Variants in ADAMTS5 observed in about 807,000 individuals in gnomAD.
The protein encoded by ADAMTS5 is ADAM metallopeptidase with thrombospondin type 1 motif 5.
ADAMTS5 carries 54 observed loss-of-function variants against 81.4 expected under a neutral mutation model. That is an observed-to-expected ratio of 0.66 (90% CI 0.53 to 0.83). The LOEUF is 0.83. Among genes scored for constraint, ADAMTS5 ranks in the 40% least tolerant of loss-of-function variants. The probability of loss-of-function intolerance (pLI) is 0.00; values close to 1 mark genes in which losing one functional copy is unlikely to be tolerated. For synonymous variants in ADAMTS5, 532 were observed against 508.8 expected, an observed-to-expected ratio of 1.05 and a Z score of -0.61; for missense variants, 1,194 against 1,229.9, an observed-to-expected ratio of 0.97 and a Z score of 0.44.
At chr21:26,945,351 A>G (rs1011426706) in intron 2 of ADAMTS5, among the ~76,000 whole-genome samples, 1 of 152,170 alleles carries the variant, frequency 6.6e-6, no homozygotes, top group Non-Finnish European at 1.5e-5. Context: ...AGTGTCCCCA[A>G]GTGACCTCTG....
chr21:26,920,532 T>C lies in ADAMTS5; in HGVS notation c.*3521A>G, dbSNP rs539638359. 1 of 152,266 alleles carries C rather than the reference T, an allele frequency of 6.6e-6. No homozygotes were observed. The highest frequency in any genetic ancestry group is 1.9e-4 in the East Asian group (1 of 5,188). The allele number at this position is 152,266 out of a possible 1,614,324, so 9.4% of individuals were successfully genotyped here. A position where few individuals can be genotyped will look rare whatever the true frequency, so the allele number is the denominator to read the frequency against. ...TGATATTAATTTTAGGAGGTGTTTCTAAAGGAGAAACAGACAACATTTGGT... is the reference window on the plus strand; with the variant it reads ...TGATATTAATTTTAGGAGGTGTTTCCAAAGGAGAAACAGACAACATTTGGT... On this transcript the variant is annotated 3_prime_UTR_variant, in exon 8 of 8. Coordinates refer to ENST00000284987, the MANE Select transcript of ADAMTS5 (RefSeq NM_007038.5).
intron 1 of ADAMTS5, among the ~76,000 whole-genome samples, chr21:26,956,277 C>T (rs1301207730): frequency 1.3e-5 from 2 of 152,142 alleles, no homozygotes; most frequent in African/African-American, 4.8e-5. Context: ...TTCTCAGGTC[C>T]TTATTGTGTT....
intron 3 of ADAMTS5, among the ~76,000 whole-genome samples, chr21:26,938,302 T>C (rs1347238330): frequency 6.6e-6 from 1 of 151,742 alleles, no homozygotes; most frequent in Non-Finnish European, 1.5e-5. Flanking sequence ...TGCATACATG[T>C]TTTTACCATT....
At chr21:26,960,160 A>C (rs542776665) in intron 1 of ADAMTS5, among the ~76,000 whole-genome samples, 1 of 152,256 alleles carries the variant, frequency 6.6e-6, no homozygotes, top group Non-Finnish European at 1.5e-5. Context: ...TTCTTGACCC[A>C]ATCTATGCCT....
In ADAMTS5 at chr21:26,932,882, G is replaced by A. The variant is rs1348244216; in HGVS notation, c.1852C>T (p.Leu618Phe). 1 of 1,612,736 alleles carries A rather than the reference G, an allele frequency of 6.2e-7. No individual in the cohort carries two copies. The highest frequency in any genetic ancestry group is 8.5e-7 in the Non-Finnish European group (1 of 1,179,616). ...GKRAIYRSCS[L>F]MPCPPNGKSF... ...GTACCATTGGGTGGGCAGGGCATGAGACTGCAGGAGCGGTAGATGGCCCTC... is the reference window on the plus strand; with the variant it reads ...GTACCATTGGGTGGGCAGGGCATGAAACTGCAGGAGCGGTAGATGGCCCTC... Residue 618 changes from leucine to phenylalanine, a missense_variant, in exon 5 of 8, where the codon CTC becomes TTC. By Grantham distance (22) the Leu-to-Phe change is conservative. Coordinates refer to ENST00000284987, the MANE Select transcript of ADAMTS5 (RefSeq NM_007038.5).
intron 6 of ADAMTS5, among the ~76,000 whole-genome samples, chr21:26,931,229 T>C (rs1986900987): frequency 6.6e-6 from 1 of 152,104 alleles, no homozygotes; most frequent in Non-Finnish European, 1.5e-5. Context: ...GTATTTTTAG[T>C]AGAGACAGGG....
At position 26,924,454 on chromosome 21, in the gene ADAMTS5, T is replaced by TA; in HGVS notation, c.2391dup (p.Ile798TyrfsTer3). On this transcript the variant is annotated frameshift_variant, in exon 8 of 8. Coordinates refer to ENST00000284987, the MANE Select transcript of ADAMTS5 (RefSeq NM_007038.5). LOFTEE classifies it high-confidence loss of function. Reference sequence around the variant, plus strand: ...ATGACTGTTCCATTGATGTCAATGATAGTCTCTGAAGTGGAGATCATGTAC... The same window carrying TA: ...ATGACTGTTCCATTGATGTCAATGATAAGTCTCTGAAGTGGAGATCATGTAC... 6.2e-7 allele frequency: 1 copy of TA among 1,614,242 alleles called. No individual in the cohort carries two copies. Among genetic ancestry groups the TA allele is most frequent in the Non-Finnish European group, 8.5e-7 (1 of 1,180,044 alleles).
Position 26,966,620 on chromosome 21 carries a change from G to T in ADAMTS5, c.-229C>A. On this transcript the variant is annotated 5_prime_UTR_variant, in exon 1 of 8. In the 5' UTR this introduces an upstream ATG that the reference lacks. Coordinates refer to ENST00000284987, the MANE Select transcript of ADAMTS5 (RefSeq NM_007038.5). ...GGAAAATGTTTGGATTCGTGCTCCA[G>T]AAAGAGGTGGGGTGGGGGGGGGGGG... The T allele has an allele frequency of 1.4e-5, 1 of 71,930 alleles. No individual in the cohort carries two copies. Among genetic ancestry groups the T allele is most frequent in the East Asian group, 3.7e-4 (1 of 2,676 alleles). The allele number at this position is 71,930 out of a possible 1,614,324, so 4.5% of individuals were successfully genotyped here.
chr21:26,934,867 G>A, intron 3 of ADAMTS5, 118 bp from the exon 4 acceptor site: 2 of 1,331,528 alleles, frequency 1.5e-6, no homozygotes, highest in Admixed American at 2.1e-5. Context: ...CCATGAATCT[G>A]TAGTGTAATG....
chr21:26,936,307 G>T (rs1987012704), intron 3 of ADAMTS5, among the ~76,000 whole-genome samples: 1 of 152,166 alleles, frequency 6.6e-6, no homozygotes, highest in East Asian at 1.9e-4. Flanking sequence ...TCTGCATAAT[G>T]CTTCTCTTCT....
In ADAMTS5 at chr21:26,934,664, G is replaced by T; in HGVS notation, c.1491C>A (p.Cys497Ter). 1 of 1,614,194 alleles carries T rather than the reference G, an allele frequency of 6.2e-7. No individual in the cohort carries two copies. Among genetic ancestry groups the T allele is most frequent in the Non-Finnish European group, 8.5e-7 (1 of 1,180,040 alleles). ...AGTACTCAGGCCCGAATGTCAGGTT[G>T]CACTGCTGGGTGGCATCGTAGGTCT... is the stretch of plus-strand genomic sequence containing the variant. ...PGQTYDATQQCNLTFGPEYSV... is the reference protein window; with the variant it reads ...PGQTYDATQQ Residue 497 changes from cysteine to a stop codon, truncating the protein, a stop_gained, in exon 4 of 8, where the codon TGC becomes TGA. Coordinates refer to ENST00000284987, the MANE Select transcript of ADAMTS5 (RefSeq NM_007038.5). LOFTEE classifies it high-confidence loss of function.
intron 1 of ADAMTS5, among the ~76,000 whole-genome samples, chr21:26,955,370 C>G (rs1353054720): frequency 6.6e-6 from 1 of 152,160 alleles, no homozygotes; most frequent in African/African-American, 2.4e-5. Context: ...GAAAGGTCAT[C>G]TTTTACTCCC....
chr21:26,966,933 G>C lies in ADAMTS5; in HGVS notation c.-542C>G, dbSNP rs1987699244. On this transcript the variant is annotated 5_prime_UTR_variant, in exon 1 of 8. Transcript: ENST00000284987. ...ACCAGGAGGAAGGGAAGAAAGAGAG[G>C]GGAAAAAGCCGTAAAAATTAAAACA... Among the ~76,000 whole-genome samples the C allele has an allele frequency of 6.6e-6, 1 of 152,052 alleles. No individual in the cohort carries two copies. The highest frequency in any genetic ancestry group is 2.4e-5 in the African/African-American group (1 of 41,422).
intron 1 of ADAMTS5, among the ~76,000 whole-genome samples, chr21:26,957,225 A>G (rs1987443055): frequency 6.6e-6 from 1 of 152,212 alleles, no homozygotes; most frequent in South Asian, 2.1e-4. Context: ...CTTTCTGTTG[A>G]TGATTTCTAA....
In ADAMTS5 at chr21:26,956,420, C is replaced by T. The variant is rs1411238872; in HGVS notation, c.1105-1549G>A. ...CAAAACCAACAGCCTTCCAAAGTTT[C>T]CTGTATATCCTCCCATGTCATCCCA... On this transcript the variant is annotated intron_variant, in intron 1 of 7. Coordinates refer to ENST00000284987, the MANE Select transcript of ADAMTS5 (RefSeq NM_007038.5). 2.0e-5 allele frequency among the ~76,000 whole-genome samples: 3 copies of T among 152,320 alleles called. No individual in the cohort carries two copies. In the East Asian group the frequency reaches 5.8e-4, roughly 29 times the overall value.
chr21:26,934,176 A>G (rs1207640100), intron 4 of ADAMTS5, among the ~76,000 whole-genome samples: 3 of 152,176 alleles, frequency 2.0e-5, no homozygotes, highest in Admixed American at 2.0e-4. Context: ...TCCCAAAAGC[A>G]ATTAATAGGG....
chr21:26,924,640 C>A lies in ADAMTS5; in HGVS notation c.2226-20G>T. ...CCCTTACTGGAAGTAGGAATGTTCACAGGAAGTGGGGGAAGGTGGTTAAAA... is the reference window on the plus strand; with the variant it reads ...CCCTTACTGGAAGTAGGAATGTTCAAAGGAAGTGGGGGAAGGTGGTTAAAA... On this transcript the variant is annotated intron_variant, in intron 7 of 7. Transcript: ENST00000284987. 1 of 1,567,214 alleles carries A rather than the reference C, an allele frequency of 6.4e-7. No homozygotes were observed.
At chr21:26,957,878 C>A (rs1987458476) in intron 1 of ADAMTS5, among the ~76,000 whole-genome samples, 1 of 152,086 alleles carries the variant, frequency 6.6e-6, no homozygotes, top group South Asian at 2.1e-4. Context: ...CCAGGTATGA[C>A]CTTTTAGGAG....
chr21:26,922,834 A>G lies in ADAMTS5; in HGVS notation c.*1219T>C, dbSNP rs563261510. On this transcript the variant is annotated 3_prime_UTR_variant, in exon 8 of 8. Transcript: ENST00000284987. ...TTTTTAAATTAAGAAATTATTGCCT[A>G]TGGTGTGGAAACAGTCTTATTAATA... 2.6e-5 allele frequency: 4 copies of G among 152,716 alleles called. No individual in the cohort carries two copies. Among genetic ancestry groups the G allele is most frequent in the South Asian group, 2.1e-4 (1 of 4,830 alleles). 9.5% of individuals were successfully genotyped at this position (152,716 alleles called of 1,614,324 possible).
Sources: gnomAD v4.1 joint callset for allele counts (sites outside exome capture counted in the v4.1 genomes callset) on GRCh38, gnomAD v4.1.1 for gene constraint, MANE v1.5 for transcripts, NCBI Gene and HGNC (gene_info 2026-07-23, HGNC 2026-07-21) for gene names.